AGMO: variants seen among roughly 807,000 people sequenced by gnomAD.
AGMO encodes the protein alkylglycerol monooxygenase, also known as glyceryl-ether monooxygenase.
Under a neutral mutation model 60.2 loss-of-function variants are expected in AGMO, and 75 were observed. That is an observed-to-expected ratio of 1.25 (90% CI 1.03 to 1.51). The LOEUF is 1.51. Among genes scored for constraint, AGMO ranks in the 40% most tolerant of loss-of-function variants. The probability of loss-of-function intolerance (pLI) is 0.00; values close to 1 mark genes in which losing one functional copy is unlikely to be tolerated. For synonymous variants in AGMO, 261 were observed against 177.1 expected (o/e 1.47, Z -3.76); for missense variants, 763 against 525.5 (o/e 1.45, Z -4.42).
chr7:15,268,554 G>A (rs990543538), intron 12 of AGMO, among the ~76,000 whole-genome samples: 2 of 151,982 alleles, frequency 1.3e-5, no homozygotes, highest in Admixed American at 6.6e-5. Context: ...TTCAGTGTGA[G>A]ATTGTCAAAT....
At chr7:15,202,269 T>C (rs993344528) in intron 12 of AGMO, among the ~76,000 whole-genome samples, 1 of 151,798 alleles carries the variant, frequency 6.6e-6, no homozygotes, top group African/African-American at 2.4e-5. Context: ...CACTGAAATA[T>C]ACAAAGAGAG....
chr7:15,431,319 T>C (rs1180329141), intron 3 of AGMO, among the ~76,000 whole-genome samples: 3 of 151,914 alleles, frequency 2.0e-5, no homozygotes, highest in Non-Finnish European at 4.4e-5. Flanking sequence ...AATGAAAGCA[T>C]AGCCAATAAA....
intron 2 of AGMO, among the ~76,000 whole-genome samples, chr7:15,545,917 A>G (rs952041325): frequency 6.6e-6 from 1 of 152,014 alleles, no homozygotes; most frequent in Non-Finnish European, 1.5e-5. Flanking sequence ...AGATATATTT[A>G]TAAGTCATCA....
At position 15,359,208 on chromosome 7, in the gene AGMO, G is replaced by T. The variant is rs187192060; in HGVS notation, c.1263+6306C>A. ...GGAGGCTGAGGCAGGAGAAATGCAT[G>T]AACCCAGGAGGTGGAGCTTGCAGTG... On this transcript the variant is annotated intron_variant, in intron 12 of 12. Coordinates refer to ENST00000342526, the MANE Select transcript of AGMO (RefSeq NM_001004320.2). 5.1e-3 allele frequency among the ~76,000 whole-genome samples: 752 copies of T among 148,484 alleles called. 10 individuals carry two copies. Among genetic ancestry groups the T allele is most frequent in the African/African-American group, 0.018 (708 of 40,188 alleles).
intron 3 of AGMO, among the ~76,000 whole-genome samples, chr7:15,533,215 T>A (rs1482996685): frequency 6.6e-6 from 1 of 152,056 alleles, no homozygotes; most frequent in Non-Finnish European, 1.5e-5. Flanking sequence ...TCCAAAGAGT[T>A]CCTGTTATGC....
chr7:15,363,220 C>A (rs1426280079), intron 12 of AGMO, among the ~76,000 whole-genome samples: 1 of 152,190 alleles, frequency 6.6e-6, no homozygotes, highest in Non-Finnish European at 1.5e-5. Context: ...ACTTTTCCTT[C>A]AACATTGTTG....
the AGMO span, among the ~76,000 whole-genome samples, chr7:15,149,170 T>C: frequency 2.0e-5 from 3 of 152,148 alleles, no homozygotes; most frequent in Admixed American, 1.3e-4. Flanking sequence ...ATGAAGTCAT[T>C]TGTTTTGGCT....
At position 15,377,586 on chromosome 7, in the gene AGMO, A is replaced by G. The variant is rs933954992; in HGVS notation, c.1074+7860T>C. Among the ~76,000 whole-genome samples the G allele has an allele frequency of 2.0e-5, 3 of 152,034 alleles. No individual in the cohort carries two copies. The South Asian group carries it at 6.2e-4, about 31-fold the overall frequency. On this transcript the variant is annotated intron_variant, in intron 10 of 12. Transcript: ENST00000342526. ...AAGTCTCCATCTTTTGTTTCTATGA[A>G]TCAGTATAATTTATTTAGAGATTTT... is the stretch of plus-strand genomic sequence containing the variant.
At chr7:15,460,697 A>C (rs1382551834) in intron 3 of AGMO, among the ~76,000 whole-genome samples, 1 of 152,178 alleles carries the variant, frequency 6.6e-6, no homozygotes, top group East Asian at 1.9e-4. Flanking sequence ...TTTTAAAATA[A>C]GGCATTAGTG....
At chr7:15,296,736 A>G (rs983432458) in intron 12 of AGMO, among the ~76,000 whole-genome samples, 9 of 152,144 alleles carry the variant, frequency 5.9e-5, no homozygotes, top group Non-Finnish European at 1.3e-4. Context: ...ACCCCAAACC[A>G]CAATGTAGGT....
chr7:15,175,842 A>ATTGAG, the AGMO span, among the ~76,000 whole-genome samples: 8 of 152,080 alleles, frequency 5.3e-5, no homozygotes, highest in South Asian at 1.2e-3. Flanking sequence ...AAAATTGAAA[A>ATTGAG]TTGAGAATTC....
the AGMO span, among the ~76,000 whole-genome samples, chr7:15,146,470 A>G: frequency 5.3e-4 from 81 of 152,220 alleles, no homozygotes; most frequent in Middle Eastern, 3.4e-3. Flanking sequence ...GCCTAGCTCT[A>G]CAGAATACGA....
chr7:15,354,395 C>T (rs58033538), intron 12 of AGMO, among the ~76,000 whole-genome samples: 1,405 of 37,914 alleles, frequency 0.037, 196 homozygotes, highest in Admixed American at 0.068. Context: ...TGTGTGTATA[C>T]ACGTGTGTGT....
intron 3 of AGMO, among the ~76,000 whole-genome samples, chr7:15,490,146 T>C (rs913298196): frequency 8.5e-5 from 13 of 152,178 alleles, no homozygotes; most frequent in African/African-American, 2.7e-4. Flanking sequence ...AATGGACTAT[T>C]GTGTTGTAAG....
At chr7:15,159,705 T>C in the AGMO span, among the ~76,000 whole-genome samples, 1 of 152,178 alleles carries the variant, frequency 6.6e-6, no homozygotes, top group East Asian at 1.9e-4. Flanking sequence ...AGGATAATAC[T>C]TTCAAAGATA....
At chr7:15,339,499 AATT>A (rs1413855253) in intron 12 of AGMO, among the ~76,000 whole-genome samples, 1 of 152,206 alleles carries the variant, frequency 6.6e-6, no homozygotes, top group African/African-American at 2.4e-5. Context: ...GTTCAGCTGG[AATT>A]ATGTCAGAAG....
At chr7:15,222,961 A>C (rs1394173240) in intron 12 of AGMO, among the ~76,000 whole-genome samples, 1 of 151,970 alleles carries the variant, frequency 6.6e-6, no homozygotes, top group African/African-American at 2.4e-5. Context: ...AAAATGTCTC[A>C]AAATATGCCC....
At chr7:15,361,418 T>C (rs1782748721) in intron 12 of AGMO, among the ~76,000 whole-genome samples, 1 of 151,216 alleles carries the variant, frequency 6.6e-6, no homozygotes, top group Admixed American at 6.6e-5. Flanking sequence ...CGGGCACCTG[T>C]AGTCCCAGCT....
chr7:15,544,981 T>C, intron 2 of AGMO, 58 bp from the exon 3 acceptor site: 1 of 1,212,560 alleles, frequency 8.2e-7, no homozygotes, highest in African/African-American at 1.6e-5. Flanking sequence ...AAAATTACGC[T>C]AAAATGTTTT....
Sources: allele counts gnomAD v4.1 joint callset (sites outside exome capture counted in the v4.1 genomes callset), GRCh38; gene constraint gnomAD v4.1.1; transcripts MANE v1.5; gene names NCBI Gene and HGNC (gene_info 2026-07-23, HGNC 2026-07-21).